Variants in RABGAP1L observed in about 807,000 individuals in gnomAD.
RABGAP1L encodes the protein rab GTPase-activating protein 1-like.
A neutral mutation model predicts 137.7 loss-of-function variants in RABGAP1L; 63 were observed. That is an observed-to-expected ratio of 0.46 (90% CI 0.37 to 0.56). The LOEUF (loss-of-function observed/expected upper bound fraction) is 0.56, where lower values mean the gene tolerates loss of function less well. Among genes scored for constraint, RABGAP1L ranks in the 20% least tolerant of loss-of-function variants. RABGAP1L has a pLI of 0.00. For missense variants in RABGAP1L, 1,095 were observed against 1,244.0 expected, an observed-to-expected ratio of 0.88 and a Z score of 1.80; for synonymous variants, 431 against 433.7, an observed-to-expected ratio of 0.99 and a Z score of 0.08.
intron 13 of RABGAP1L, among the ~76,000 whole-genome samples, chr1:174,464,289 A>G (rs1207415637): frequency 6.6e-6 from 1 of 151,938 alleles, no homozygotes; most frequent in Non-Finnish European, 1.5e-5. Flanking sequence ...ATAATTTGTG[A>G]TGCTTTCCCC....
chr1:174,539,711 G>A (rs1466839251), intron 13 of RABGAP1L, among the ~76,000 whole-genome samples: 1 of 152,160 alleles, frequency 6.6e-6, no homozygotes, highest in African/African-American at 2.4e-5. Flanking sequence ...ATTTGGGTTG[G>A]TTCCAAGTCT....
rs897303548 is a variant in RABGAP1L at position 174,965,124 on chromosome 1, G to A, written c.2434-4153G>A. Reference sequence around the variant, plus strand: ...CTATCCATAAGGGGTGAAACTATGAGGACAGTTGTTATCTGCTTTTTGTTC... The same window carrying A: ...CTATCCATAAGGGGTGAAACTATGAAGACAGTTGTTATCTGCTTTTTGTTC... On this transcript the variant is annotated intron_variant, in intron 20 of 25. Transcript: ENST00000681986. The A allele has an allele frequency of 4.9e-6, 3 of 608,600 alleles. No homozygotes were observed. The African/African-American group carries it at 5.6e-5, about 11-fold the overall frequency. 37.7% of individuals were successfully genotyped at this position (608,600 alleles called of 1,614,324 possible). A position where few individuals can be genotyped will look rare whatever the true frequency, so the allele number is the denominator to read the frequency against.
intron 17 of RABGAP1L, among the ~76,000 whole-genome samples, chr1:174,707,312 AT>A (rs1209473350): frequency 6.6e-6 from 1 of 152,158 alleles, no homozygotes; most frequent in African/African-American, 2.4e-5. Flanking sequence ...AATGAAACTC[AT>A]TTGGTGATTG....
At chr1:174,813,226 C>T (rs1449576945) in intron 19 of RABGAP1L, among the ~76,000 whole-genome samples, 1 of 152,102 alleles carries the variant, frequency 6.6e-6, no homozygotes, top group Non-Finnish European at 1.5e-5. Flanking sequence ...TGATGATAGA[C>T]TGAACCAGGG....
intron 19 of RABGAP1L, among the ~76,000 whole-genome samples, chr1:174,815,946 A>G (rs1019118388): frequency 6.6e-6 from 1 of 152,166 alleles, no homozygotes; most frequent in Middle Eastern, 3.2e-3. Flanking sequence ...AAAGTGCCTA[A>G]TATGAATATC....
intron 13 of RABGAP1L, among the ~76,000 whole-genome samples, chr1:174,607,369 T>A (rs1332605722): frequency 6.6e-6 from 1 of 152,194 alleles, no homozygotes; most frequent in African/African-American, 2.4e-5. Flanking sequence ...GCAGTGGTCC[T>A]GTGGTGTTGC....
At chr1:174,444,113 C>CCT (rs1654467889) in intron 13 of RABGAP1L, among the ~76,000 whole-genome samples, 1 of 151,568 alleles carries the variant, frequency 6.6e-6, no homozygotes, top group Non-Finnish European at 1.5e-5. Flanking sequence ...TAGAGTGATG[C>CCT]CTCTAGCTTT....
intron 19 of RABGAP1L, among the ~76,000 whole-genome samples, chr1:174,881,023 G>T (rs1159067324): frequency 6.6e-6 from 1 of 152,166 alleles, no homozygotes; most frequent in African/African-American, 2.4e-5. Context: ...GGTGGACAGT[G>T]ACCAAGTCAT....
intron 13 of RABGAP1L, among the ~76,000 whole-genome samples, chr1:174,513,865 A>G (rs993359092): frequency 2.8e-4 from 42 of 152,158 alleles, no homozygotes; most frequent in Non-Finnish European, 5.7e-4. Flanking sequence ...TCTTTGTTAG[A>G]TCTGTAACTA....
chr1:174,583,070 CTT>C (rs2148095605), intron 13 of RABGAP1L, among the ~76,000 whole-genome samples: 1 of 152,168 alleles, frequency 6.6e-6, no homozygotes, highest in East Asian at 1.9e-4. Flanking sequence ...AGCCTTAACT[CTT>C]ATATTTCCCA....
At chr1:174,577,943 A>G (rs973101199) in intron 13 of RABGAP1L, among the ~76,000 whole-genome samples, 2 of 152,188 alleles carry the variant, frequency 1.3e-5, no homozygotes, top group Admixed American at 6.5e-5. Flanking sequence ...TAATTAACCA[A>G]TCACACTGAT....
chr1:174,601,509 A>AG (rs1356599017), intron 13 of RABGAP1L, among the ~76,000 whole-genome samples: 1 of 145,594 alleles, frequency 6.9e-6, no homozygotes, highest in Non-Finnish European at 1.5e-5. Context: ...GGTTGGGGGC[A>AG]GGGGGAGGGA....
At chr1:174,203,858 G>T (rs1668306806) in intron 1 of RABGAP1L, among the ~76,000 whole-genome samples, 1 of 151,364 alleles carries the variant, frequency 6.6e-6, no homozygotes, top group African/African-American at 2.4e-5. Context: ...GTGGCAATTT[G>T]GAATGGGATT....
intron 19 of RABGAP1L, among the ~76,000 whole-genome samples, chr1:174,934,288 A>G (rs917189941): frequency 6.6e-6 from 1 of 152,008 alleles, no homozygotes; most frequent in African/African-American, 2.4e-5. Context: ...GGGTTTCACC[A>G]TGTAGGTCAG....
At chr1:174,629,564 T>G (rs1026058328) in intron 13 of RABGAP1L, among the ~76,000 whole-genome samples, 1 of 152,176 alleles carries the variant, frequency 6.6e-6, no homozygotes, top group Non-Finnish European at 1.5e-5. Flanking sequence ...AGACGGAGTC[T>G]CGCTCTGTCG....
intron 7 of RABGAP1L, among the ~76,000 whole-genome samples, chr1:174,263,442 A>C (rs1243879194): frequency 6.6e-6 from 1 of 152,082 alleles, no homozygotes; most frequent in Non-Finnish European, 1.5e-5. Flanking sequence ...CCCTGTTTAA[A>C]TTACTGTGTT....
Position 174,711,118 on chromosome 1 carries a change from G to C in RABGAP1L, c.2169+8862G>C, listed in dbSNP as rs997395755. On this transcript the variant is annotated intron_variant, in intron 17 of 25. Transcript: ENST00000681986. ...TCACTGTCTGGGGCCGGCAGGGCCA[G>C]CTGGCCGCTGTGAGTGCGGGGCCTG... Among the ~76,000 whole-genome samples, 4 of 152,272 alleles carry C rather than the reference G, an allele frequency of 2.6e-5. No individual in the cohort carries two copies. The South Asian group carries it at 6.2e-4, about 24-fold the overall frequency.
At chr1:174,974,260 G>T (rs1448507426) in intron 21 of RABGAP1L, among the ~76,000 whole-genome samples, 1 of 152,038 alleles carries the variant, frequency 6.6e-6, no homozygotes. Flanking sequence ...AGGGTGCTGG[G>T]ATTACAGATG....
At chr1:174,946,816 G>T (rs182346467) in intron 19 of RABGAP1L, among the ~76,000 whole-genome samples, 124 of 146,884 alleles carry the variant, frequency 8.4e-4, no homozygotes, top group African/African-American at 2.8e-3. Flanking sequence ...CAGGAGAATC[G>T]CTTGAACTCA....
Sources: allele counts gnomAD v4.1 joint callset (sites outside exome capture counted in the v4.1 genomes callset), GRCh38; gene constraint gnomAD v4.1.1; transcripts MANE v1.5; gene names NCBI Gene and HGNC (gene_info 2026-07-23, HGNC 2026-07-21).